The following ANKRD29 variants were observed in gnomAD, a reference collection of about 807,000 sequenced individuals.
ANKRD29 encodes ankyrin repeat domain 29.
ANKRD29 carries 32 observed loss-of-function variants against 38.0 expected under a neutral mutation model. The observed-to-expected ratio is 0.84, with a 90% CI of 0.64 to 1.13. ANKRD29 has a LOEUF of 1.13. ANKRD29 is among the 50% of genes most tolerant of loss of function. The probability of loss-of-function intolerance (pLI) is 0.00; values close to 1 mark genes in which losing one functional copy is unlikely to be tolerated. For synonymous variants in ANKRD29, 135 were observed against 152.4 expected, an observed-to-expected ratio of 0.89 and a Z score of 0.84; for missense variants, 357 against 377.9, an observed-to-expected ratio of 0.94 and a Z score of 0.46.
At chr18:23,627,414 TG>T (rs1394287401) in intron 6 of ANKRD29, among the ~76,000 whole-genome samples, 1 of 152,202 alleles carries the variant, frequency 6.6e-6, no homozygotes, top group Non-Finnish European at 1.5e-5. Context: ...GGTGGATCCC[TG>T]CACTCAAAGA....
intron 1 of ANKRD29, among the ~76,000 whole-genome samples, chr18:23,657,357 C>T (rs564424030): frequency 3.3e-5 from 5 of 152,336 alleles, no homozygotes; most frequent in African/African-American, 9.6e-5. Context: ...TCAGGCTCAC[C>T]GCCCTCAACT....
chr18:23,608,967 C>A (rs1272138460), intron 9 of ANKRD29, among the ~76,000 whole-genome samples: 2 of 151,934 alleles, frequency 1.3e-5, no homozygotes, highest in Non-Finnish European at 2.9e-5. Context: ...CCTGGCATGC[C>A]CCTGTAATCC....
chr18:23,639,067 C>T, intron 3 of ANKRD29, 120 bp from the exon 4 acceptor site: 1 of 668,292 alleles, frequency 1.5e-6, no homozygotes, highest in South Asian at 2.6e-5. Context: ...TAGGAAGGGG[C>T]TAAATTTGAA....
rs182331056 is a variant in ANKRD29 at position 23,620,839 on chromosome 18, C to T, written c.529-1210G>A. ...CTAGCACCTAGGCATCCAGGAGTCC[C>T]GTCTGCCTATGGGAAATCAGAAGTG... On this transcript the variant is annotated intron_variant, in intron 6 of 9. Transcript: ENST00000592179. 9.0e-4 allele frequency among the ~76,000 whole-genome samples: 137 copies of T among 152,304 alleles called. 1 individual carries two copies. The highest frequency in any genetic ancestry group is 3.2e-3 in the African/African-American group (135 of 41,558).
At chr18:23,652,461 G>A (rs763206003) in intron 1 of ANKRD29, among the ~76,000 whole-genome samples, 3 of 151,986 alleles carry the variant, frequency 2.0e-5, no homozygotes, top group Admixed American at 1.3e-4. Flanking sequence ...AGTGACCCCC[G>A]GTGACCTCCT....
chr18:23,646,189 C>G lies in ANKRD29; in HGVS notation c.231G>C (p.Glu77Asp). The G allele has an allele frequency of 1.9e-6, 3 of 1,614,058 alleles. No homozygotes were observed. The highest frequency in any genetic ancestry group is 2.5e-6 in the Non-Finnish European group (3 of 1,179,992). Reference protein sequence around the residue: ...LQGADINLQRESGTTALFFAA... With the variant: ...LQGADINLQRDSGTTALFFAA... ...TCTTCAAGTGCAAAGCCTGACCTAC[C>G]TCTCTCTGGAGATTGATGTCTGCTC... is the stretch of plus-strand genomic sequence containing the variant. The change falls in exon 3 of 10, where the codon GAG (glutamate) becomes GAC (aspartate). Residue 77 changes from glutamate (E) to aspartate (D), a missense_variant and splice_region_variant. Glu to Asp is a conservative substitution (Grantham distance 45). Coordinates refer to ENST00000592179, the MANE Select transcript of ANKRD29 (RefSeq NM_173505.4).
intron 3 of ANKRD29, among the ~76,000 whole-genome samples, chr18:23,639,756 A>G (rs2060049576): frequency 6.6e-6 from 1 of 152,118 alleles, no homozygotes; most frequent in African/African-American, 2.4e-5. Context: ...GGCTGGTCTC[A>G]AAGTCCTGGC....
At chr18:23,604,887 A>G (rs978090932) in intron 9 of ANKRD29, among the ~76,000 whole-genome samples, 1 of 152,148 alleles carries the variant, frequency 6.6e-6, no homozygotes, top group Non-Finnish European at 1.5e-5. Flanking sequence ...TGCTGTAGGC[A>G]TGTTTTCCAT....
At chr18:23,608,859 C>T (rs1016454054) in intron 9 of ANKRD29, among the ~76,000 whole-genome samples, 2 of 152,114 alleles carry the variant, frequency 1.3e-5, no homozygotes, top group African/African-American at 4.8e-5. Context: ...GGGCCGGGCG[C>T]GGTGGCTCAC....
At chr18:23,621,625 CTTTA>C (rs994126465) in intron 6 of ANKRD29, among the ~76,000 whole-genome samples, 2 of 152,108 alleles carry the variant, frequency 1.3e-5, no homozygotes, top group Non-Finnish European at 2.9e-5. Flanking sequence ...CTTCCATATT[CTTTA>C]TTTGATTTTC....
chr18:23,643,987 GC>G lies in ANKRD29; in HGVS notation c.231+2201del, dbSNP rs547829937. Among the ~76,000 whole-genome samples, 221 of 152,338 alleles carry G rather than the reference GC, an allele frequency of 1.5e-3. 2 individuals are homozygous for G. The highest frequency in any genetic ancestry group is 2.3e-3 in the Non-Finnish European group (154 of 68,028). ...GCTGAGGTCTGCCTTTGGCTTGGCA[GC>G]CCTCTTGCCCCAGACTGACACAGTC... On this transcript the variant is annotated intron_variant, in intron 3 of 9. Transcript: ENST00000592179.
In ANKRD29 at chr18:23,652,593, T is replaced by C. The variant is rs572187659; in HGVS notation, c.22-3400A>G. Reference sequence around the variant, plus strand: ...TTCCAAATCTCCTCTCAGTATGATATGCACACAATCATAAATGGTGTGGCG... The same window carrying C: ...TTCCAAATCTCCTCTCAGTATGATACGCACACAATCATAAATGGTGTGGCG... On this transcript the variant is annotated intron_variant, in intron 1 of 9. Coordinates refer to ENST00000592179, the MANE Select transcript of ANKRD29 (RefSeq NM_173505.4). 3.9e-5 allele frequency among the ~76,000 whole-genome samples: 6 copies of C among 152,336 alleles called. No homozygotes were observed. The South Asian group carries it at 1.0e-3, about 26-fold the overall frequency.
At chr18:23,621,105 G>C (rs2059792023) in intron 6 of ANKRD29, among the ~76,000 whole-genome samples, 1 of 152,220 alleles carries the variant, frequency 6.6e-6, no homozygotes, top group Non-Finnish European at 1.5e-5. Context: ...AGAAAGGCAG[G>C]AGGGAGCAGG....
chr18:23,616,593 T>C (rs570019827), intron 8 of ANKRD29, among the ~76,000 whole-genome samples: 182 of 141,656 alleles, frequency 1.3e-3, no homozygotes, highest in African/African-American at 4.5e-3. Context: ...TATATATATA[T>C]ACTATATATA....
chr18:23,637,991 C>CTTATT (rs778060114), intron 4 of ANKRD29, among the ~76,000 whole-genome samples: 2 of 103,070 alleles, frequency 1.9e-5, no homozygotes, highest in Admixed American at 1.3e-4. Context: ...AAATCAATTA[C>CTTATT]TTCTTTTTTT....
chr18:23,657,490 A>G (rs1372317559), intron 1 of ANKRD29, among the ~76,000 whole-genome samples: 1 of 152,196 alleles, frequency 6.6e-6, no homozygotes, highest in South Asian at 2.1e-4. Flanking sequence ...ATCCTTTCAA[A>G]GCATACAATC....
At chr18:23,620,878 C>T (rs2145663762) in intron 6 of ANKRD29, among the ~76,000 whole-genome samples, 1 of 152,276 alleles carries the variant, frequency 6.6e-6, no homozygotes, top group East Asian at 1.9e-4. Flanking sequence ...GAGAAACAGT[C>T]GGCTGGAGTG....
At chr18:23,632,226 C>T (rs74804769) in intron 5 of ANKRD29, among the ~76,000 whole-genome samples, 1 of 152,020 alleles carries the variant, frequency 6.6e-6, no homozygotes, top group Non-Finnish European at 1.5e-5. Flanking sequence ...CAGCAATTTT[C>T]TTTTTCTTTT....
At chr18:23,656,480 AAAGTT>A (rs1439667975) in intron 1 of ANKRD29, among the ~76,000 whole-genome samples, 1 of 152,220 alleles carries the variant, frequency 6.6e-6, no homozygotes, top group Non-Finnish European at 1.5e-5. Flanking sequence ...TTCCCAAATC[AAAGTT>A]AATAAATATT....
Sources: gnomAD v4.1 joint callset for allele counts (sites outside exome capture counted in the v4.1 genomes callset) on GRCh38, gnomAD v4.1.1 for gene constraint, MANE v1.5 for transcripts, NCBI Gene and HGNC (gene_info 2026-07-23, HGNC 2026-07-21) for gene names.